Variants in HDAC10 observed in about 807,000 individuals in gnomAD.
The protein encoded by HDAC10 is polyamine deacetylase HDAC10.
Under a neutral mutation model 82.3 loss-of-function variants are expected in HDAC10, and 90 were observed. That is an observed-to-expected ratio of 1.09 (90% CI 0.92 to 1.30). HDAC10 has a LOEUF of 1.30. HDAC10 is among the 50% of genes most tolerant of loss of function. HDAC10 has a pLI of 0.00. For missense variants in HDAC10, 934 were observed against 876.3 expected (o/e 1.07, Z -0.83); for synonymous variants, 456 against 391.7 (o/e 1.16, Z -1.94).
Position 50,250,502 on chromosome 22 carries a change from G to A in HDAC10, c.216C>T (p.Val72=), listed in dbSNP as rs1243223747. The change falls in exon 3 of 20, where the codon GTC becomes GTT. Residue 72 remains valine (V), a synonymous_variant. Transcript: ENST00000216271. The part of the protein sequence containing the change: ...LVHSPEYVSL[V]RETQVLGKEE... ...CCTTGCCTAGGACCTGGGTCTCCCT[G>A]ACCAGGGATACATACTCTGGGCTGC... 1.2e-6 allele frequency: 2 copies of A among 1,612,618 alleles called. No homozygotes were observed. Among genetic ancestry groups the A allele is most frequent in the African/African-American group, 1.3e-5 (1 of 74,904 alleles).
At position 50,250,867 on chromosome 22, in the gene HDAC10, G is replaced by A; in HGVS notation, c.98C>T (p.Ala33Val). 3.7e-6 allele frequency: 6 copies of A among 1,601,816 alleles called. No homozygotes were observed. Among genetic ancestry groups the A allele is most frequent in the African/African-American group, 1.3e-5 (1 of 74,758 alleles). ...GCGCTGCCGCAGGCGATCCAGGGCTGCGGTCAGGCGCTCAGGACGCTCGAT... is the reference window on the plus strand; with the variant it reads ...GCGCTGCCGCAGGCGATCCAGGGCTACGGTCAGGCGCTCAGGACGCTCGAT... The part of the protein sequence containing the change: ...CEIERPERLT[A>V]ALDRLRQRGL... The change falls in exon 2 of 20, where the codon GCA (alanine) becomes GTA (valine). Residue 33 changes from alanine (A) to valine (V), a missense_variant. Transcript: ENST00000216271.
Position 50,250,445 on chromosome 22 carries a change from G to T in HDAC10, c.273C>A (p.Asp91Glu), listed in dbSNP as rs756987194. 6.2e-7 allele frequency: 1 copy of T among 1,612,860 alleles called. No individual in the cohort carries two copies. The highest frequency in any genetic ancestry group is 8.5e-7 in the Non-Finnish European group (1 of 1,179,948). The change falls in exon 3 of 20, where the codon GAC becomes GAA. Residue 91 changes from aspartate to glutamate, a missense_variant. Transcript: ENST00000216271. Reference protein sequence around the residue: ...EELQALSGQFDAIYFHPSTFH... With the variant: ...EELQALSGQFEAIYFHPSTFH... The stretch of plus-strand genomic sequence containing the variant: ...CACGCACCGGGTGGAAGTAGATGGC[G>T]TCGAACTGTCCGGACAGCGCCTGCA...
Position 50,249,494 on chromosome 22 carries a change from A to G in HDAC10, c.564-40T>C. On this transcript the variant is annotated intron_variant, in intron 6 of 19. Transcript: ENST00000216271. This position sits in a 1 kb window ranked among gnomAD's most constrained non-coding sequence, Gnocchi z 4.4. ...CCAGGGCCAGAGGTCAAAGGTCAGGACCCTCAACAGCTCTACAGCTCCCTG... is the reference window on the plus strand; with the variant it reads ...CCAGGGCCAGAGGTCAAAGGTCAGGGCCCTCAACAGCTCTACAGCTCCCTG... The G allele has an allele frequency of 6.2e-7, 1 of 1,611,310 alleles. No homozygotes were observed. The highest frequency in any genetic ancestry group is 8.5e-7 in the Non-Finnish European group (1 of 1,179,086).
Position 50,245,543 on chromosome 22 carries a change from C to T in HDAC10, c.1987-13G>A. 1 of 1,105,172 alleles carries T rather than the reference C, an allele frequency of 9.0e-7. No individual in the cohort carries two copies. Among genetic ancestry groups the T allele is most frequent in the Non-Finnish European group, 1.4e-6 (1 of 717,108 alleles). The allele number at this position is 1,105,172 out of a possible 1,614,324, so 68.5% of individuals were successfully genotyped here. On this transcript the variant is annotated splice_polypyrimidine_tract_variant and intron_variant, in intron 19 of 19. Coordinates refer to ENST00000216271, the MANE Select transcript of HDAC10 (RefSeq NM_032019.6). Reference sequence around the variant, plus strand: ...GGTGAGGATGGCACTACAGGAGGAGCCGAGAAGAGGCGCGCAGTTGGCCTC... The same window carrying T: ...GGTGAGGATGGCACTACAGGAGGAGTCGAGAAGAGGCGCGCAGTTGGCCTC...
chr22:50,248,182 G>T lies in HDAC10; in HGVS notation c.1082-37C>A. The T allele has an allele frequency of 6.3e-7, 1 of 1,599,358 alleles. No homozygotes were observed. ...TCGGAGTCATAGCCACTGCACAGGA[G>T]CCCGAGGTGGGATCCTGCAGCCTAG... On this transcript the variant is annotated intron_variant, in intron 12 of 19. Transcript: ENST00000216271. This position sits in a 1 kb window ranked among gnomAD's most constrained non-coding sequence, Gnocchi z 5.4.
rs544504360 is a variant in HDAC10 at position 50,245,317 on chromosome 22, G to C, written c.*190C>G. 15 of 626,950 alleles carry C rather than the reference G, an allele frequency of 2.4e-5. No homozygotes were observed. In the East Asian group the frequency reaches 3.8e-4, roughly 16 times the overall value. The allele number at this position is 626,950 out of a possible 1,614,324, so 38.8% of individuals were successfully genotyped here. A position where few individuals can be genotyped will look rare whatever the true frequency, so the allele number is the denominator to read the frequency against. ...GGCCGGGGCGCGATGGGTGGGGCGG[G>C]GGCGAGGTGAGGTGAGGGGTGGAGC... On this transcript the variant is annotated 3_prime_UTR_variant, in exon 20 of 20. Coordinates refer to ENST00000216271, the MANE Select transcript of HDAC10 (RefSeq NM_032019.6).
rs561780178 is a variant in HDAC10 at position 50,248,392 on chromosome 22, CAG to C, written c.985_986del (p.Leu329ValfsTer60). 1,076 of 1,609,988 alleles carry C rather than the reference CAG, an allele frequency of 6.7e-4. 2 individuals are homozygous for C. The highest frequency in any genetic ancestry group is 1.2e-3 in the South Asian group (108 of 91,084). Reference sequence around the variant, plus strand: ...TCTGACATGGCGCCATTGGCCCTGACAGGGGTGGGGCCGGGTCACCCAGCAGC... The same window carrying C: ...TCTGACATGGCGCCATTGGCCCTGACGGGTGGGGCCGGGTCACCCAGCAGC... ...QTLLGDPAPP[L>X]SGPMAPCQSA... On this transcript the variant is annotated frameshift_variant, in exon 11 of 20. Coordinates refer to ENST00000216271, the MANE Select transcript of HDAC10 (RefSeq NM_032019.6). LOFTEE classifies it high-confidence loss of function. This position sits in a 1 kb window ranked among gnomAD's most constrained non-coding sequence, Gnocchi z 5.4.
chr22:50,250,881 A>AGGACGCTCGATCTCGCACTCGGGGATG lies in HDAC10; in HGVS notation c.83_84insCATCCCCGAGTGCGAGATCGAGCGTCC (p.Pro28_Glu29insIleProGluCysGluIleGluArgPro), dbSNP rs2065073825. The stretch of plus-strand genomic sequence containing the variant: ...GATCCAGGGCTGCGGTCAGGCGCTC[A>AGGACGCTCGATCTCGCACTCGGGGATG]GGACGCTCGATCTCGCACTCGGGGC... On this transcript the variant is annotated inframe_insertion, in exon 2 of 20. Transcript: ENST00000216271. 5 of 1,601,510 alleles carry AGGACGCTCGATCTCGCACTCGGGGATG rather than the reference A, an allele frequency of 3.1e-6. No individual in the cohort carries two copies. The highest frequency in any genetic ancestry group is 4.3e-6 in the Non-Finnish European group (5 of 1,174,406).
rs188063629 is a variant in HDAC10, at chr22:50,248,873, C to T, written c.774G>A (p.Val258=). 7 of 1,611,638 alleles carry T rather than the reference C, an allele frequency of 4.3e-6. No individual in the cohort carries two copies. In the Admixed American group the frequency reaches 1.2e-4, roughly 27 times the overall value. The change falls in exon 9 of 20, where the codon GTG becomes GTA. Residue 258 remains valine (V), a synonymous_variant. Coordinates refer to ENST00000216271, the MANE Select transcript of HDAC10 (RefSeq NM_032019.6). The surrounding 1 kb of genome is among the most constrained non-coding windows in gnomAD (Gnocchi z 5.4). ...CTGAGTCAAATCCTGCCGAGACCAGCACCAGCTCAGGGTCAAACTACAGGC... is the reference window on the plus strand; with the variant it reads ...CTGAGTCAAATCCTGCCGAGACCAGTACCAGCTCAGGGTCAAACTACAGGC... ...PLAFEFDPEL[V]LVSAGFDSAI... is the part of the protein sequence containing the mutation.
rs1298188901 is a variant in HDAC10 at position 50,248,935 on chromosome 22, G to C, written c.757-45C>G. On this transcript the variant is annotated intron_variant, in intron 8 of 19. Coordinates refer to ENST00000216271, the MANE Select transcript of HDAC10 (RefSeq NM_032019.6). This position sits in a 1 kb window ranked among gnomAD's most constrained non-coding sequence, Gnocchi z 5.4. ...GGGGAGGGTCGACAGAGAGGGGCTGGAGCCCAGGTGAGGGCGAGCCAGGCC... is the reference window on the plus strand; with the variant it reads ...GGGGAGGGTCGACAGAGAGGGGCTGCAGCCCAGGTGAGGGCGAGCCAGGCC... 1 of 1,584,578 alleles carries C rather than the reference G, an allele frequency of 6.3e-7. No individual in the cohort carries two copies. Among genetic ancestry groups the C allele is most frequent in the Admixed American group, 1.8e-5 (1 of 56,774 alleles).
Position 50,251,197 on chromosome 22 carries a change from C to T in HDAC10, c.-165G>A. 1 of 636,426 alleles carries T rather than the reference C, an allele frequency of 1.6e-6. No homozygotes were observed. The highest frequency in any genetic ancestry group is 2.6e-6 in the Non-Finnish European group (1 of 380,576). The allele number at this position is 636,426 out of a possible 1,614,324, so 39.4% of individuals were successfully genotyped here. On this transcript the variant is annotated 5_prime_UTR_variant, in exon 1 of 20. Transcript: ENST00000216271. ...CGGGAGCGCACAGAACCTAGGCAGGCTCCGGGATCCCAGGCGCGCAGAAGG... is the reference window on the plus strand; with the variant it reads ...CGGGAGCGCACAGAACCTAGGCAGGTTCCGGGATCCCAGGCGCGCAGAAGG...
At position 50,248,404 on chromosome 22, in the gene HDAC10, C is replaced by A. The variant is rs759963616; in HGVS notation, c.975G>T (p.Pro325=). 1 of 1,609,314 alleles carries A rather than the reference C, an allele frequency of 6.2e-7. No individual in the cohort carries two copies. The highest frequency in any genetic ancestry group is 2.2e-5 in the East Asian group (1 of 44,884). Residue 325 remains proline (P), a synonymous_variant, in exon 11 of 20, where the codon CCG becomes CCT. Coordinates refer to ENST00000216271, the MANE Select transcript of HDAC10 (RefSeq NM_032019.6). The surrounding 1 kb of genome is among the most constrained non-coding windows in gnomAD (Gnocchi z 5.4). The part of the protein sequence containing the change: ...CMTVQTLLGD[P]APPLSGPMAP... ...CCATTGGCCCTGACAGGGGTGGGGC[C>A]GGGTCACCCAGCAGCGTCTGTACTG...
rs922820105 is a variant in HDAC10 at position 50,247,903 on chromosome 22, C to T, written c.1324G>A (p.Glu442Lys). ...AGCCCTGCCCACCTGGCCCAGGCTT[C>T]TGTCTCCTCCCTCAGGGCTGACGCT... ...QEASALREET[E>K]AWARPHESLA... Residue 442 changes from glutamate to lysine, a missense_variant, in exon 13 of 20, where the codon GAA becomes AAA. Glu to Lys is a moderately conservative substitution (Grantham distance 56, BLOSUM62 1). Transcript: ENST00000216271. 7.4e-6 allele frequency: 12 copies of T among 1,612,724 alleles called. No individual in the cohort carries two copies. Among genetic ancestry groups the T allele is most frequent in the Non-Finnish European group, 1.0e-5 (12 of 1,179,940 alleles).
At chr22:50,245,608 C>G in intron 19 of HDAC10, 67 bp downstream of exon 19, 1 of 1,602,022 alleles carries the variant, frequency 6.2e-7, no homozygotes, top group Non-Finnish European at 8.5e-7. Flanking sequence ...CTGCCCTGCC[C>G]TCCCCACCGA....
rs770167704 is a variant in HDAC10 at position 50,247,951 on chromosome 22, GC to G, written c.1275del (p.Pro427LeufsTer11). The G allele has an allele frequency of 1.2e-6, 2 of 1,612,872 alleles. No individual in the cohort carries two copies. The highest frequency in any genetic ancestry group is 1.7e-6 in the Non-Finnish European group (2 of 1,179,986). ...ALTTPDITLV[L>X]PPDVIQQEAS... Reference sequence around the variant, plus strand: ...GCTTCCTGTTGGATGACGTCAGGGGGCAGAACCAATGTGATATCCGGCGTTG... The same window carrying G: ...GCTTCCTGTTGGATGACGTCAGGGGGAGAACCAATGTGATATCCGGCGTTG... On this transcript the variant is annotated frameshift_variant, in exon 13 of 20. Transcript: ENST00000216271. LOFTEE classifies it high-confidence loss of function.
rs1369809685 is a variant in HDAC10, at chr22:50,245,661, G to A, written c.1986+14C>T. 3 of 1,612,492 alleles carry A rather than the reference G, an allele frequency of 1.9e-6. No individual in the cohort carries two copies. Among genetic ancestry groups the A allele is most frequent in the African/African-American group, 1.3e-5 (1 of 74,886 alleles). Reference sequence around the variant, plus strand: ...GGCCCCAGGGCAGGGCCATGCCTCCGCAGTCAGCCTCACCTGCAACATCTT... The same window carrying A: ...GGCCCCAGGGCAGGGCCATGCCTCCACAGTCAGCCTCACCTGCAACATCTT... On this transcript the variant is annotated intron_variant, in intron 19 of 19. Transcript: ENST00000216271.
In HDAC10 at chr22:50,245,672, C is replaced by G; in HGVS notation, c.1986+3G>C. The G allele has an allele frequency of 3.1e-6, 5 of 1,613,096 alleles. No individual in the cohort carries two copies. Among genetic ancestry groups the G allele is most frequent in the South Asian group, 2.2e-5 (2 of 91,086 alleles). The stretch of plus-strand genomic sequence containing the variant: ...AGGGCCATGCCTCCGCAGTCAGCCT[C>G]ACCTGCAACATCTTCCACTGAGGCT... On this transcript the variant is annotated splice_donor_region_variant and intron_variant, in intron 19 of 19. Transcript: ENST00000216271.
At chr22:50,250,252 C>T in intron 3 of HDAC10, 92 bp from the exon 4 acceptor site, 1 of 1,349,146 alleles carries the variant, frequency 7.4e-7, no homozygotes, top group African/African-American at 1.4e-5. Context: ...AAGACACCAG[C>T]TGCTGAGCAG....
chr22:50,247,582 T>G, intron 14 of HDAC10, 110 bp downstream of exon 14: 1 of 757,570 alleles, frequency 1.3e-6, no homozygotes, highest in Non-Finnish European at 2.2e-6. Context: ...TTCACATCCA[T>G]GTGGTTCTGC....
Sources: allele counts gnomAD v4.1 joint callset, GRCh38; gene constraint gnomAD v4.1.1; non-coding constraint Gnocchi (gnomAD v3.1); transcripts MANE v1.5; gene names NCBI Gene and HGNC (gene_info 2026-07-23, HGNC 2026-07-21).